FABP2: variants seen among roughly 807,000 people sequenced by gnomAD.
FABP2 encodes fatty acid binding protein 2, also known as fatty acid-binding protein, intestinal.
In FABP2, 11 loss-of-function variants were observed where a neutral mutation model predicts 16.1. The observed-to-expected ratio is 0.68, with a 90% CI of 0.43 to 1.13. The LOEUF (loss-of-function observed/expected upper bound fraction) is 1.13. FABP2 is among the 50% of genes most tolerant of loss of function. The pLI is 0.00. For missense variants in FABP2, 146 were observed against 155.1 expected (o/e 0.94, Z 0.31); for synonymous variants, 45 against 50.9 (o/e 0.88, Z 0.49).
In FABP2 at chr4:119,318,766, G is replaced by A. The variant is rs1755619173; in HGVS notation, c.*275C>T. ...ACATACTTTTTCTTTTAAAAGGCAA[G>A]GCTACATATAAAGCAACATGGACGC... On this transcript the variant is annotated 3_prime_UTR_variant, in exon 4 of 4. Coordinates refer to ENST00000274024, the MANE Select transcript of FABP2 (RefSeq NM_000134.4). 1.6e-5 allele frequency: 5 copies of A among 310,714 alleles called. No homozygotes were observed. The South Asian group carries it at 2.1e-4, about 13-fold the overall frequency. 19.2% of individuals were successfully genotyped at this position (310,714 alleles called of 1,614,324 possible).
In FABP2 at chr4:119,317,791, G is replaced by A. The variant is rs758099061; in HGVS notation, c.*1250C>T. 7 of 152,046 alleles carry A rather than the reference G, an allele frequency of 4.6e-5. No homozygotes were observed. The highest frequency in any genetic ancestry group is 7.4e-5 in the Non-Finnish European group (5 of 67,954). The allele number at this position is 152,046 out of a possible 1,614,324, so 9.4% of individuals were successfully genotyped here. ...TTATGTGAAGCACATAAAATTTTACGTCATGTGAAAATATGAATAAAAGGA... is the reference window on the plus strand; with the variant it reads ...TTATGTGAAGCACATAAAATTTTACATCATGTGAAAATATGAATAAAAGGA... On this transcript the variant is annotated 3_prime_UTR_variant, in exon 4 of 4. Coordinates refer to ENST00000274024, the MANE Select transcript of FABP2 (RefSeq NM_000134.4).
chr4:119,320,572 T>G (rs1755649850), intron 2 of FABP2, 98 bp downstream of exon 2: 1 of 946,120 alleles, frequency 1.1e-6, no homozygotes, highest in Non-Finnish European at 1.5e-6. Context: ...GAAGGAGACC[T>G]GCATTAATTA....
intron 2 of FABP2, among the ~76,000 whole-genome samples, chr4:119,320,121 CAT>C (rs749646975): frequency 3.8e-4 from 58 of 152,088 alleles, no homozygotes; most frequent in African/African-American, 1.2e-3. Context: ...TCATTACAAA[CAT>C]GTAATTTAAA....
chr4:119,319,730 A>G (rs1319078775), intron 2 of FABP2, 87 bp from the exon 3 acceptor site: 4 of 517,370 alleles, frequency 7.7e-6, no homozygotes, highest in African/African-American at 2.0e-5. Flanking sequence ...AGTTCTGTAG[A>G]CACACTTTTT....
rs1478657340 is a variant in FABP2, at chr4:119,318,541, A to G, written c.*500T>C. ...TAGCAAGACCCCATCTCTAAAAAAA[A>G]TAAAAAGAAAACAAAACAAAAATTA... On this transcript the variant is annotated 3_prime_UTR_variant, in exon 4 of 4. Transcript: ENST00000274024. 1 of 152,346 alleles carries G rather than the reference A, an allele frequency of 6.6e-6. No homozygotes were observed. Among genetic ancestry groups the G allele is most frequent in the East Asian group, 1.9e-4 (1 of 5,194 alleles). The allele number at this position is 152,346 out of a possible 1,614,324, so 9.4% of individuals were successfully genotyped here.
intron 2 of FABP2, among the ~76,000 whole-genome samples, chr4:119,320,339 CAT>C (rs904384463): frequency 2.6e-5 from 4 of 151,876 alleles, no homozygotes; most frequent in African/African-American, 9.7e-5. Flanking sequence ...AGTTAAGTTA[CAT>C]ATTAACTCTA....
Position 119,317,935 on chromosome 4 carries a change from A to G in FABP2, c.*1106T>C, listed in dbSNP as rs1323437020. ...ATAACTGATATCTCCATTGTTCTCA[A>G]AGACAAGTTAGTGGACAGGCTGCAT... On this transcript the variant is annotated 3_prime_UTR_variant, in exon 4 of 4. Transcript: ENST00000274024. 6.6e-6 allele frequency: 1 copy of G among 152,098 alleles called. No homozygotes were observed. The highest frequency in any genetic ancestry group is 2.4e-5 in the African/African-American group (1 of 41,438). 9.4% of individuals were successfully genotyped at this position (152,098 alleles called of 1,614,324 possible). A position where few individuals can be genotyped will look rare whatever the true frequency, so the allele number is the denominator to read the frequency against.
At chr4:119,320,272 C>T (rs556971382) in intron 2 of FABP2, among the ~76,000 whole-genome samples, 2 of 152,136 alleles carry the variant, frequency 1.3e-5, no homozygotes, top group Non-Finnish European at 2.9e-5. Flanking sequence ...TGGTAACTCA[C>T]TCATTTGTTC....
At position 119,321,945 on chromosome 4, in the gene FABP2, G is replaced by A. The variant is rs879239283; in HGVS notation, c.67+91C>T. On this transcript the variant is annotated intron_variant, in intron 1 of 3. Transcript: ENST00000274024. ...CTACCACATCAGGAGCTATCTGTAA[G>A]CTATCTGTAATCTCCTAGAGATTTA... The A allele has an allele frequency of 9.7e-6, 10 of 1,028,914 alleles. No homozygotes were observed. In the South Asian group the frequency reaches 1.3e-4, roughly 13 times the overall value. 63.7% of individuals were successfully genotyped at this position (1,028,914 alleles called of 1,614,324 possible). A position where few individuals can be genotyped will look rare whatever the true frequency, so the allele number is the denominator to read the frequency against.
chr4:119,320,626 A>G, intron 2 of FABP2, 44 bp downstream of exon 2: 1 of 1,414,380 alleles, frequency 7.1e-7, no homozygotes, highest in Non-Finnish European at 9.5e-7. Flanking sequence ...AATATTGGGT[A>G]GAAAAATCAA....
chr4:119,320,434 G>A (rs1379851445), intron 2 of FABP2, among the ~76,000 whole-genome samples: 1 of 151,992 alleles, frequency 6.6e-6, no homozygotes, highest in Non-Finnish European at 1.5e-5. Context: ...TCAAAAGATA[G>A]TTTTCTAATT....
At chr4:119,321,427 A>C (rs1004810105) in intron 1 of FABP2, among the ~76,000 whole-genome samples, 1 of 152,110 alleles carries the variant, frequency 6.6e-6, no homozygotes, top group Non-Finnish European at 1.5e-5. Context: ...TAATTGATGC[A>C]GATTTTTCTT....
Position 119,319,545 on chromosome 4 carries a change from TTCA to T in FABP2, c.336_338del (p.Asp112del), listed in dbSNP as rs754850253. On this transcript the variant is annotated inframe_deletion, in exon 3 of 4. Coordinates refer to ENST00000274024, the MANE Select transcript of FABP2 (RefSeq NM_000134.4). The stretch of plus-strand genomic sequence containing the variant: ...AAATTTGACAACTCACCTGGACTAG[TTCA>T]TCACCTATAATTTCTCGGACAGTAT... 8 of 1,563,276 alleles carry T rather than the reference TTCA, an allele frequency of 5.1e-6. No homozygotes were observed. In the East Asian group the frequency reaches 2.0e-4, roughly 39 times the overall value.
rs1249906076 is a variant in FABP2, at chr4:119,318,323, ATATAT to A, written c.*713_*717del. The A allele has an allele frequency of 1.3e-5, 2 of 152,090 alleles. No individual in the cohort carries two copies. Among genetic ancestry groups the A allele is most frequent in the African/African-American group, 4.8e-5 (2 of 41,426 alleles). 9.4% of individuals were successfully genotyped at this position (152,090 alleles called of 1,614,324 possible). The stretch of plus-strand genomic sequence containing the variant: ...TTATTTCTAAGTTTTCTGGTTGAGC[ATATAT>A]TATTTTTATAATAATAGATATTACT... On this transcript the variant is annotated 3_prime_UTR_variant, in exon 4 of 4. Coordinates refer to ENST00000274024, the MANE Select transcript of FABP2 (RefSeq NM_000134.4).
chr4:119,319,430 G>A, intron 3 of FABP2, 106 bp downstream of exon 3: 1 of 624,830 alleles, frequency 1.6e-6, no homozygotes, highest in Non-Finnish European at 2.8e-6. Flanking sequence ...AGATTTATGA[G>A]AAAAGAAGTA....
Position 119,318,789 on chromosome 4 carries a change from C to T in FABP2, c.*252G>A, listed in dbSNP as rs9999724. The T allele has an allele frequency of 0.31, 109,894 of 357,654 alleles. 17,442 individuals are homozygous for T. The highest frequency in any genetic ancestry group is 0.34 in the East Asian group (6,698 of 19,458). The allele number at this position is 357,654 out of a possible 1,614,324, so 22.2% of individuals were successfully genotyped here. The stretch of plus-strand genomic sequence containing the variant: ...AAGGCTACATATAAAGCAACATGGA[C>T]GCAATATTTATTTTTGTTTTTTAAA... On this transcript the variant is annotated 3_prime_UTR_variant, in exon 4 of 4. Coordinates refer to ENST00000274024, the MANE Select transcript of FABP2 (RefSeq NM_000134.4).
Position 119,320,650 on chromosome 4 carries a change from A to G in FABP2, c.240+20T>C. ...TAGAAAAATCAAGAATGCATTGCTC[A>G]TAAAAAAAAAAATTCTTACCCTGAG... On this transcript the variant is annotated intron_variant, in intron 2 of 3. Transcript: ENST00000274024. The G allele has an allele frequency of 6.5e-7, 1 of 1,538,378 alleles. No individual in the cohort carries two copies. Among genetic ancestry groups the G allele is most frequent in the Non-Finnish European group, 8.7e-7 (1 of 1,148,478 alleles).
chr4:119,319,621 T>C lies in FABP2; in HGVS notation c.263A>G (p.Asn88Ser). The C allele has an allele frequency of 6.6e-7, 1 of 1,515,424 alleles. No homozygotes were observed. The highest frequency in any genetic ancestry group is 8.8e-7 in the Non-Finnish European group (1 of 1,130,844). 93.9% of individuals were successfully genotyped at this position (1,515,424 alleles called of 1,614,324 possible). A position where few individuals can be genotyped will look rare whatever the true frequency, so the allele number is the denominator to read the frequency against. ...ELRGTWSLEG[N>S]KLIGKFKRTD... ...CCGTTTGAATTTTCCAATAAGTTTA[T>C]TTCCCTCAAGGCTCCAGGTCCCCTA... The change falls in exon 3 of 4, where the codon AAT becomes AGT. Residue 88 changes from asparagine to serine, a missense_variant. Transcript: ENST00000274024.
At chr4:119,321,911 G>A in intron 1 of FABP2, 125 bp downstream of exon 1, 1 of 693,068 alleles carries the variant, frequency 1.4e-6, no homozygotes, top group Non-Finnish European at 2.5e-6. Context: ...AACATCTTCT[G>A]GATCCTCTCT....
Sources: gnomAD v4.1 joint callset for allele counts (sites outside exome capture counted in the v4.1 genomes callset) on GRCh38, gnomAD v4.1.1 for gene constraint, MANE v1.5 for transcripts, NCBI Gene and HGNC (gene_info 2026-07-23, HGNC 2026-07-21) for gene names.